The following SPAG17 variants were observed in gnomAD, a reference collection of about 807,000 sequenced individuals.
SPAG17 encodes the protein sperm-associated antigen 17.
Under a neutral mutation model 273.6 loss-of-function variants are expected in SPAG17, and 169 were observed. The observed-to-expected ratio is 0.62, with a 90% CI of 0.55 to 0.70. SPAG17 has a LOEUF of 0.70. Among genes scored for constraint, SPAG17 ranks in the 30% least tolerant of loss-of-function variants. The probability of loss-of-function intolerance (pLI) is 0.00; values close to 1 mark genes in which losing one functional copy is unlikely to be tolerated. For synonymous variants in SPAG17, 825 were observed against 873.2 expected (o/e 0.94, Z 0.97); for missense variants, 2,557 against 2,627.8 (o/e 0.97, Z 0.59).
intron 48 of SPAG17, chr1:117,955,277 C>A: frequency 6.4e-7 from 1 of 1,572,284 alleles, no homozygotes; most frequent in Non-Finnish European, 8.7e-7. Context: ...AGAAACCAAC[C>A]AAGAGTATCA....
intron 1 of SPAG17, among the ~76,000 whole-genome samples, chr1:118,157,393 G>A (rs1659707201): frequency 6.6e-6 from 1 of 152,158 alleles, no homozygotes; most frequent in Non-Finnish European, 1.5e-5. Context: ...TGCTTCAAGT[G>A]TGACCTAGCC....
intron 17 of SPAG17, among the ~76,000 whole-genome samples, chr1:118,070,284 T>C (rs951117256): frequency 3.3e-5 from 5 of 152,168 alleles, no homozygotes; most frequent in Admixed American, 3.3e-4. Flanking sequence ...GGCAACCCCA[T>C]TTGTGTGCAG....
At chr1:118,138,563 T>C (rs1285021027) in intron 3 of SPAG17, among the ~76,000 whole-genome samples, 1 of 152,124 alleles carries the variant, frequency 6.6e-6, no homozygotes, top group Non-Finnish European at 1.5e-5. Context: ...ACACACATGC[T>C]AGTTGAAACC....
intron 18 of SPAG17, among the ~76,000 whole-genome samples, chr1:118,064,592 G>C (rs1417286989): frequency 1.2e-4 from 13 of 109,712 alleles, no homozygotes; most frequent in Non-Finnish European, 2.4e-4. Flanking sequence ...GTTGTGGGGT[G>C]GGGGGAGGGG....
At chr1:118,072,977 G>A (rs1653752389) in intron 17 of SPAG17, among the ~76,000 whole-genome samples, 3 of 152,000 alleles carry the variant, frequency 2.0e-5, no homozygotes. Context: ...ATGCACTGAA[G>A]ATTTTTGCCT....
At chr1:118,024,566 A>T (rs1647512577) in intron 27 of SPAG17, among the ~76,000 whole-genome samples, 1 of 150,628 alleles carries the variant, frequency 6.6e-6, no homozygotes, top group Admixed American at 6.6e-5. Context: ...CATCTTTCTC[A>T]TTGAGAATCC....
chr1:118,040,333 ACTCT>A (rs1164916675), intron 22 of SPAG17, among the ~76,000 whole-genome samples: 3 of 152,094 alleles, frequency 2.0e-5, no homozygotes, highest in Non-Finnish European at 2.9e-5. Flanking sequence ...CAGGTCCCAA[ACTCT>A]GTGCTCCAGA....
intron 1 of SPAG17, among the ~76,000 whole-genome samples, chr1:118,169,712 T>C (rs944634205): frequency 6.6e-6 from 1 of 152,170 alleles, no homozygotes; most frequent in African/African-American, 2.4e-5. Flanking sequence ...TAACTTTCCT[T>C]ATTTAAGAGG....
At chr1:117,977,625 A>G (rs12119929) in intron 43 of SPAG17, among the ~76,000 whole-genome samples, 52,369 of 152,070 alleles carry the variant, frequency 0.34, 10,854 homozygotes, top group Non-Finnish European at 0.46. Flanking sequence ...CCTACTCTGA[A>G]TTTCTTTAAA....
intron 3 of SPAG17, among the ~76,000 whole-genome samples, chr1:118,122,836 T>C (rs928934255): frequency 1.3e-5 from 2 of 152,172 alleles, no homozygotes; most frequent in Admixed American, 6.5e-5. Flanking sequence ...AGGACAGAGT[T>C]GGGATTCTTG....
At chr1:118,132,471 T>C (rs1658106089) in intron 3 of SPAG17, among the ~76,000 whole-genome samples, 2 of 152,246 alleles carry the variant, frequency 1.3e-5, no homozygotes, top group African/African-American at 4.8e-5. Context: ...TTAGGCATTT[T>C]ATTTATCTTC....
intron 28 of SPAG17, among the ~76,000 whole-genome samples, chr1:118,020,928 G>A (rs1474825691): frequency 6.6e-6 from 1 of 151,954 alleles, no homozygotes; most frequent in Non-Finnish European, 1.5e-5. Context: ...TAGAACACAG[G>A]CTTATTTAAT....
intron 3 of SPAG17, among the ~76,000 whole-genome samples, chr1:118,133,899 T>C: frequency 6.6e-6 from 1 of 152,142 alleles, no homozygotes; most frequent in East Asian, 1.9e-4. Flanking sequence ...AAAACAAAAT[T>C]ACACCATCAT....
chr1:117,984,701 G>A lies in SPAG17; in HGVS notation c.5751C>T (p.Asn1917=), dbSNP rs145459177. 10 of 1,601,696 alleles carry A rather than the reference G, an allele frequency of 6.2e-6. No individual in the cohort carries two copies. Among genetic ancestry groups the A allele is most frequent in the Non-Finnish European group, 8.5e-6 (10 of 1,169,842 alleles). The change falls in exon 41 of 49, where the codon AAC becomes AAT. Residue 1917 remains asparagine, a synonymous_variant. Coordinates refer to ENST00000336338, the MANE Select transcript of SPAG17 (RefSeq NM_206996.4). ...CAATTACCTGAGACTGATATAACTG[G>A]TTCAATTCAGATTTAAAAAAGGGTG... ...IIPPFFKSEL[N]QLYQSQYNHL...
intron 48 of SPAG17, among the ~76,000 whole-genome samples, chr1:117,957,521 C>G (rs1652393809): frequency 6.6e-6 from 1 of 152,222 alleles, no homozygotes; most frequent in Admixed American, 6.5e-5. Flanking sequence ...AGCTCTGGTT[C>G]TAGTCAGTTT....
intron 32 of SPAG17, among the ~76,000 whole-genome samples, chr1:118,004,469 C>A (rs1658650666): frequency 6.6e-6 from 1 of 152,346 alleles, no homozygotes; most frequent in African/African-American, 2.4e-5. Context: ...GTGGGCTTTG[C>A]CCATTTCGAG....
intron 1 of SPAG17, among the ~76,000 whole-genome samples, chr1:118,166,733 C>T (rs577019569): frequency 1.3e-5 from 2 of 152,056 alleles, no homozygotes; most frequent in Non-Finnish European, 2.9e-5. Context: ...TCTAGCCCCA[C>T]CAGATCAACA....
At chr1:118,128,757 C>A (rs1435342894) in intron 3 of SPAG17, among the ~76,000 whole-genome samples, 2 of 152,208 alleles carry the variant, frequency 1.3e-5, no homozygotes, top group African/African-American at 4.8e-5. Flanking sequence ...CCATGTTCCA[C>A]TTCTCAGACT....
In SPAG17 at chr1:118,182,327, C is replaced by CCGAGTG. The variant is rs1660988270; in HGVS notation, c.87+2738_87+2743dup. Among the ~76,000 whole-genome samples, 7 of 152,136 alleles carry CCGAGTG rather than the reference C, an allele frequency of 4.6e-5. No homozygotes were observed. The South Asian group carries it at 1.5e-3, about 32-fold the overall frequency. ...GGGAATTAATATTGTTTAAATAGTA[C>CCGAGTG]CGAGTGCTAAGGTTAACACTTCTTC... On this transcript the variant is annotated intron_variant, in intron 1 of 48. Coordinates refer to ENST00000336338, the MANE Select transcript of SPAG17 (RefSeq NM_206996.4).
Sources: gnomAD v4.1 joint callset for allele counts (sites outside exome capture counted in the v4.1 genomes callset) on GRCh38, gnomAD v4.1.1 for gene constraint, MANE v1.5 for transcripts, NCBI Gene and HGNC (gene_info 2026-07-23, HGNC 2026-07-21) for gene names.